The following MOB3B variants were observed in gnomAD, a reference collection of about 807,000 sequenced individuals.
MOB3B encodes the protein MOB kinase activator 3B, also known as MOB kinase activator-like 2B.
In MOB3B, 7 loss-of-function variants were observed where a neutral mutation model predicts 18.7. The ratio of observed to expected loss-of-function variants is 0.37; its 90% confidence interval spans 0.21 to 0.70. The LOEUF is 0.70. MOB3B is among the 30% of genes least tolerant of loss of function. The pLI, the probability that MOB3B is intolerant of heterozygous loss-of-function variation, is 0.52. For missense variants in MOB3B, 253 were observed against 281.3 expected (o/e 0.90, Z 0.72); for synonymous variants, 111 against 99.9 (o/e 1.11, Z -0.66).
At chr9:27,528,527 G>A (rs1029993320) in intron 1 of MOB3B, among the ~76,000 whole-genome samples, 2 of 152,382 alleles carry the variant, frequency 1.3e-5, no homozygotes, top group East Asian at 3.9e-4. Flanking sequence ...TAACCACAAG[G>A]GCGGGGTGGG....
At chr9:27,521,277 G>C (rs1474812781) in intron 1 of MOB3B, among the ~76,000 whole-genome samples, 2 of 152,184 alleles carry the variant, frequency 1.3e-5, no homozygotes. Context: ...ATAGTAAAGG[G>C]AGGAAATTTG....
At chr9:27,484,829 AT>A (rs1230426662) in intron 1 of MOB3B, among the ~76,000 whole-genome samples, 1 of 152,114 alleles carries the variant, frequency 6.6e-6, no homozygotes, top group Non-Finnish European at 1.5e-5. Context: ...AAACCCAGGC[AT>A]GAGCTCACCA....
chr9:27,449,694 G>A (rs994686115), intron 2 of MOB3B, among the ~76,000 whole-genome samples: 2 of 152,090 alleles, frequency 1.3e-5, no homozygotes, highest in Admixed American at 6.5e-5. Context: ...TAAAAACTTG[G>A]CTGGGAGATG....
rs117887972 is a variant in MOB3B at position 27,414,125 on chromosome 9, C to T, written c.418+41008G>A. Among the ~76,000 whole-genome samples, 520 of 152,348 alleles carry T rather than the reference C, an allele frequency of 3.4e-3. 1 individual carries two copies. Among genetic ancestry groups the T allele is most frequent in the Middle Eastern group, 0.02 (6 of 294 alleles). ...GGAGGAATACATGTGATCTCTCTGA[C>T]GGCTGCTTCCCCAGGGAAAACCTTG... On this transcript the variant is annotated intron_variant, in intron 2 of 3. Transcript: ENST00000262244.
intron 3 of MOB3B, among the ~76,000 whole-genome samples, chr9:27,339,319 A>C (rs777228141): frequency 2.6e-5 from 4 of 152,186 alleles, no homozygotes; most frequent in Non-Finnish European, 5.9e-5. Flanking sequence ...TGGGAGAGAG[A>C]ATTCCAGTAG....
intron 2 of MOB3B, among the ~76,000 whole-genome samples, chr9:27,431,408 T>A (rs921767645): frequency 6.6e-6 from 1 of 152,224 alleles, no homozygotes; most frequent in African/African-American, 2.4e-5. Context: ...GACAGATGAA[T>A]CTTCTTGGAT....
At position 27,455,159 on chromosome 9, in the gene MOB3B, T is replaced by C. The variant is rs759167100; in HGVS notation, c.392A>G (p.Asn131Ser). 9.9e-6 allele frequency: 16 copies of C among 1,614,164 alleles called. 1 individual carries two copies. The highest frequency in any genetic ancestry group is 1.3e-5 in the African/African-American group (1 of 75,028). Reference protein sequence around the residue: ...LMDWIEVQINNEEIFPTCVGV... With the variant: ...LMDWIEVQINSEEIFPTCVGV... ...CACGCATGTTGGAAATATTTCCTCG[T>C]TGTTGATCTGAACCTCAATCCAATC... Residue 131 changes from asparagine (N) to serine (S), a missense_variant, in exon 2 of 4, where the codon AAC becomes AGC. By Grantham distance (46) the Asn-to-Ser change is conservative. Transcript: ENST00000262244.
At chr9:27,489,098 A>G (rs977714814) in intron 1 of MOB3B, among the ~76,000 whole-genome samples, 8 of 152,206 alleles carry the variant, frequency 5.3e-5, no homozygotes, top group Non-Finnish European at 1.5e-5. Flanking sequence ...CTTCCTAGCC[A>G]TTTTGAGTTT....
intron 3 of MOB3B, among the ~76,000 whole-genome samples, chr9:27,347,274 T>C (rs1426632153): frequency 6.6e-6 from 1 of 152,260 alleles, no homozygotes; most frequent in Non-Finnish European, 1.5e-5. Context: ...ACCTGTGTGC[T>C]AAGGGCCACA....
At chr9:27,366,993 C>G (rs894984859) in intron 2 of MOB3B, among the ~76,000 whole-genome samples, 1 of 152,204 alleles carries the variant, frequency 6.6e-6, no homozygotes, top group Non-Finnish European at 1.5e-5. Flanking sequence ...CTGTGGGAGT[C>G]TCTGCTTCAG....
intron 1 of MOB3B, among the ~76,000 whole-genome samples, chr9:27,515,822 G>C (rs1163424522): frequency 2.0e-5 from 3 of 152,112 alleles, no homozygotes; most frequent in African/African-American, 7.2e-5. Flanking sequence ...CCCCTGTCGT[G>C]GATTGAACTG....
At chr9:27,499,186 A>G (rs1040973125) in intron 1 of MOB3B, among the ~76,000 whole-genome samples, 1 of 152,196 alleles carries the variant, frequency 6.6e-6, no homozygotes, top group Non-Finnish European at 1.5e-5. Context: ...ATTGACAATT[A>G]TATTTATTTT....
intron 2 of MOB3B, chr9:27,397,708 T>C (rs1287655899): frequency 6.6e-6 from 1 of 152,252 alleles, no homozygotes; most frequent in Non-Finnish European, 1.5e-5. Context: ...ACTAATCTTC[T>C]ATGTACAAAT....
chr9:27,458,689 C>T (rs776121846), intron 1 of MOB3B, among the ~76,000 whole-genome samples: 19 of 150,538 alleles, frequency 1.3e-4, no homozygotes, highest in East Asian at 2.0e-4. Flanking sequence ...TACCAGGGAC[C>T]GTAGGTGCAT....
At chr9:27,492,165 T>TG (rs1819829373) in intron 1 of MOB3B, among the ~76,000 whole-genome samples, 1 of 152,102 alleles carries the variant, frequency 6.6e-6, no homozygotes, top group South Asian at 2.1e-4. Context: ...GAGAAAGTTG[T>TG]GGAAAAATAT....
intron 2 of MOB3B, chr9:27,421,290 T>A (rs1345539902): frequency 6.6e-6 from 1 of 152,106 alleles, no homozygotes; most frequent in African/African-American, 2.4e-5. Flanking sequence ...GGGGGTTTCA[T>A]CATATTGGTC....
In MOB3B at chr9:27,521,210, G is replaced by A. The variant is rs1366545449; in HGVS notation, c.-199+8345C>T. 3.9e-5 allele frequency among the ~76,000 whole-genome samples: 6 copies of A among 152,244 alleles called. No homozygotes were observed. The South Asian group carries it at 1.2e-3, about 32-fold the overall frequency. On this transcript the variant is annotated intron_variant, in intron 1 of 3. Coordinates refer to ENST00000262244, the MANE Select transcript of MOB3B (RefSeq NM_024761.5). The stretch of plus-strand genomic sequence containing the variant: ...TTCTTCAGGACCTAGGCCAGTGACG[G>A]AAATGTCATAAACACAAAAGTACAT...
At chr9:27,424,777 G>A (rs927402838) in intron 2 of MOB3B, among the ~76,000 whole-genome samples, 5 of 152,172 alleles carry the variant, frequency 3.3e-5, no homozygotes, top group Admixed American at 1.3e-4. Flanking sequence ...TACATAGTAA[G>A]TTCCTACCAT....
rs146239749 is a variant in MOB3B at position 27,477,791 on chromosome 9, C to G, written c.-198-22043G>C. Among the ~76,000 whole-genome samples, 98 of 152,324 alleles carry G rather than the reference C, an allele frequency of 6.4e-4. 2 individuals are homozygous for G. The East Asian group carries it at 0.018, about 28-fold the overall frequency. ...CCAATAAGAATGAGAGCAAATACTGCTATCACCCAGAGGGGTGTTGAATCT... is the reference window on the plus strand; with the variant it reads ...CCAATAAGAATGAGAGCAAATACTGGTATCACCCAGAGGGGTGTTGAATCT... On this transcript the variant is annotated intron_variant, in intron 1 of 3. Transcript: ENST00000262244.
Sources: gnomAD v4.1 joint callset for allele counts (sites outside exome capture counted in the v4.1 genomes callset) on GRCh38, gnomAD v4.1.1 for gene constraint, MANE v1.5 for transcripts, NCBI Gene and HGNC (gene_info 2026-07-23, HGNC 2026-07-21) for gene names.